Variants in ADAMTSL3 observed in about 807,000 individuals in gnomAD.
ADAMTSL3 encodes the protein ADAMTS like 3.
In ADAMTSL3, 128 loss-of-function variants were observed where a neutral mutation model predicts 201.7. The ratio of observed to expected loss-of-function variants is 0.63; its 90% CI spans 0.55 to 0.73. The LOEUF is 0.73. Ranked by LOEUF, ADAMTSL3 falls within the 30% of genes least tolerant of loss-of-function variation. The pLI is 0.00. For synonymous variants in ADAMTSL3, 738 were observed against 748.4 expected (o/e 0.99, Z 0.23); for missense variants, 1,990 against 2,119.6 (o/e 0.94, Z 1.20).
At chr15:83,827,504 T>G (rs1346139357) in intron 6 of ADAMTSL3, among the ~76,000 whole-genome samples, 1 of 152,210 alleles carries the variant, frequency 6.6e-6, no homozygotes, top group African/African-American at 2.4e-5. Context: ...GTGCAGAAGC[T>G]CTTTAGTTTA....
chr15:83,970,551 G>A lies in ADAMTSL3; in HGVS notation c.2558G>A (p.Gly853Asp). 2 of 1,614,206 alleles carry A rather than the reference G, an allele frequency of 1.2e-6. No homozygotes were observed. Among genetic ancestry groups the A allele is most frequent in the African/African-American group, 2.7e-5 (2 of 75,056 alleles). The change falls in exon 20 of 30, where the codon GGT becomes GAT. Residue 853 changes from glycine (G) to aspartate (D), a missense_variant. Gly to Asp is a moderately conservative substitution (Grantham distance 94, BLOSUM62 -1). Coordinates refer to ENST00000286744, the MANE Select transcript of ADAMTSL3 (RefSeq NM_207517.3). Reference sequence around the variant, plus strand: ...GTGTGTCAAAGGCTGGCAGCCAAAGGTCGGCGCATCCCCCTCAGTGAGATG... The same window carrying A: ...GTGTGTCAAAGGCTGGCAGCCAAAGATCGGCGCATCCCCCTCAGTGAGATG... ...KQVCQRLAAK[G>D]RRIPLSEMMC...
At chr15:83,826,461 C>G (rs561803302) in intron 6 of ADAMTSL3, among the ~76,000 whole-genome samples, 1 of 147,910 alleles carries the variant, frequency 6.8e-6, no homozygotes, top group African/African-American at 2.5e-5. Context: ...TAATTTTTAT[C>G]AAACCATGCT....
intron 3 of ADAMTSL3, among the ~76,000 whole-genome samples, chr15:83,733,891 G>A (rs1045382655): frequency 6.6e-6 from 1 of 152,104 alleles, no homozygotes; most frequent in Admixed American, 6.5e-5. Context: ...AAGTGACTTG[G>A]ACATCAACCA....
At chr15:84,007,745 G>T (rs1273440862) in intron 23 of ADAMTSL3, among the ~76,000 whole-genome samples, 1 of 152,150 alleles carries the variant, frequency 6.6e-6, no homozygotes, top group African/African-American at 2.4e-5. Context: ...CATGATCTGA[G>T]CTACCTTTTA....
intron 3 of ADAMTSL3, among the ~76,000 whole-genome samples, chr15:83,768,443 G>A (rs1175136607): frequency 1.3e-5 from 2 of 152,146 alleles, no homozygotes; most frequent in Non-Finnish European, 2.9e-5. Flanking sequence ...AAGAAACCTG[G>A]ATCATAGGTG....
intron 4 of ADAMTSL3, among the ~76,000 whole-genome samples, chr15:83,791,471 A>G (rs12439816): frequency 0.16 from 25,051 of 152,204 alleles, 2,431 homozygotes; most frequent in Middle Eastern, 0.32. Flanking sequence ...GGTGTCAAGA[A>G]CACAGGGAAA....
At chr15:83,845,298 A>G (rs546017251) in intron 7 of ADAMTSL3, among the ~76,000 whole-genome samples, 1 of 152,354 alleles carries the variant, frequency 6.6e-6, no homozygotes, top group Non-Finnish European at 1.5e-5. Flanking sequence ...CACCATGTCT[A>G]TGATGTCCAC....
chr15:83,834,967 G>A (rs1417939230), intron 6 of ADAMTSL3, among the ~76,000 whole-genome samples: 2 of 152,130 alleles, frequency 1.3e-5, no homozygotes, highest in Non-Finnish European at 2.9e-5. Context: ...GGGCGCTGTG[G>A]TTCACGCTTG....
chr15:83,927,359 C>T (rs1357479292), intron 17 of ADAMTSL3, among the ~76,000 whole-genome samples: 1 of 152,138 alleles, frequency 6.6e-6, no homozygotes, highest in East Asian at 1.9e-4. Flanking sequence ...AGTGATCCGC[C>T]CACCTCAGCC....
At position 83,757,489 on chromosome 15, in the gene ADAMTSL3, G is replaced by GGGGGCCC. The variant is rs2062740817; in HGVS notation, c.190-16033_190-16027dup. Reference sequence around the variant, plus strand: ...CAAGTCCCTAGGCTGCACACAGCAGGGGGGCCCTGGGCCCTGGCCCATGAA... The same window carrying GGGGGCCC: ...CAAGTCCCTAGGCTGCACACAGCAGGGGGGCCCGGGGCCCTGGGCCCTGGCCCATGAA... On this transcript the variant is annotated intron_variant, in intron 3 of 29. Coordinates refer to ENST00000286744, the MANE Select transcript of ADAMTSL3 (RefSeq NM_207517.3). Among the ~76,000 whole-genome samples the GGGGGCCC allele has an allele frequency of 6.6e-5, 10 of 152,292 alleles. No homozygotes were observed. The South Asian group carries it at 2.1e-3, about 32-fold the overall frequency.
At chr15:83,849,959 A>C (rs72746976) in intron 7 of ADAMTSL3, among the ~76,000 whole-genome samples, 15,623 of 152,226 alleles carry the variant, frequency 0.1, 1,026 homozygotes, top group East Asian at 0.34. Context: ...TGAAAATTAC[A>C]TAAAGAATCT....
chr15:83,720,713 A>C (rs899453841), intron 3 of ADAMTSL3, among the ~76,000 whole-genome samples: 3 of 152,226 alleles, frequency 2.0e-5, no homozygotes, highest in African/African-American at 7.2e-5. Context: ...GTTGGCAGTG[A>C]AACTGTGTTA....
chr15:84,014,858 C>A, intron 24 of ADAMTSL3, 134 bp downstream of exon 24: 1 of 884,958 alleles, frequency 1.1e-6, no homozygotes, highest in Non-Finnish European at 1.7e-6. Flanking sequence ...CCACTGCCTG[C>A]TTAAAAACGA....
chr15:83,726,841 G>T (rs1015223290), intron 3 of ADAMTSL3, among the ~76,000 whole-genome samples: 1 of 151,806 alleles, frequency 6.6e-6, no homozygotes, highest in Non-Finnish European at 1.5e-5. Context: ...AGGGGTATTG[G>T]CCTGTAGTTT....
At chr15:83,885,449 AAAAAC>A (rs1386496923) in intron 10 of ADAMTSL3, among the ~76,000 whole-genome samples, 6 of 152,070 alleles carry the variant, frequency 3.9e-5, no homozygotes, top group African/African-American at 1.2e-4. Context: ...GCCAAAAAAA[AAAAAC>A]AAAACAAAAC....
At chr15:83,869,120 C>A (rs1039491505) in intron 8 of ADAMTSL3, among the ~76,000 whole-genome samples, 1 of 152,194 alleles carries the variant, frequency 6.6e-6, no homozygotes, top group Non-Finnish European at 1.5e-5. Flanking sequence ...AAATCAGTGT[C>A]TAGAAACTTG....
At chr15:83,985,525 T>A (rs1349697634) in intron 21 of ADAMTSL3, among the ~76,000 whole-genome samples, 2 of 152,196 alleles carry the variant, frequency 1.3e-5, no homozygotes, top group Non-Finnish European at 2.9e-5. Context: ...GTGGAAGTGC[T>A]TTGTGTGTAC....
Position 83,906,616 on chromosome 15 carries a change from CACACA to C in ADAMTSL3, c.1701-6475_1701-6471del, listed in dbSNP as rs1237898635. ...ATGTATCTATATATTTATATAGTGC[CACACA>C]CCACACACACACACACACACACACA... On this transcript the variant is annotated intron_variant, in intron 15 of 29. Coordinates refer to ENST00000286744, the MANE Select transcript of ADAMTSL3 (RefSeq NM_207517.3). Among the ~76,000 whole-genome samples the C allele has an allele frequency of 8.0e-3, 201 of 25,068 alleles. 4 individuals carry two copies. The East Asian group carries it at 0.098, about 12-fold the overall frequency. The allele number at this position is 25,068 out of a possible 152,430, so 16.4% of individuals were successfully genotyped here. A position where few individuals can be genotyped will look rare whatever the true frequency, so the allele number is the denominator to read the frequency against.
rs1342250318 is a variant in ADAMTSL3 at position 84,005,472 on chromosome 15, C to T, written c.3974-9070C>T. On this transcript the variant is annotated intron_variant, in intron 23 of 29. Coordinates refer to ENST00000286744, the MANE Select transcript of ADAMTSL3 (RefSeq NM_207517.3). The stretch of plus-strand genomic sequence containing the variant: ...AGCATGTATCGCTATGCTTGATTTG[C>T]ACCAACTCTTGACTTTCTTCTTCAA... Among the ~76,000 whole-genome samples, 6 of 152,306 alleles carry T rather than the reference C, an allele frequency of 3.9e-5. No homozygotes were observed. The East Asian group carries it at 1.2e-3, about 29-fold the overall frequency.
Sources: gnomAD v4.1 joint callset for allele counts (sites outside exome capture counted in the v4.1 genomes callset) on GRCh38, gnomAD v4.1.1 for gene constraint, MANE v1.5 for transcripts, NCBI Gene and HGNC (gene_info 2026-07-23, HGNC 2026-07-21) for gene names.